The following SLC35F4 variants were observed in gnomAD, a reference collection of about 807,000 sequenced individuals.
SLC35F4 encodes solute carrier family 35 member F4.
SLC35F4 carries 24 observed loss-of-function variants against 44.2 expected under a neutral mutation model. The ratio of observed to expected loss-of-function variants is 0.54; its 90% CI spans 0.39 to 0.76. The LOEUF is 0.76. Ranked by LOEUF, SLC35F4 falls within the 30% of genes least tolerant of loss-of-function variation. The pLI is 0.00. For missense variants in SLC35F4, 562 were observed against 586.1 expected (o/e 0.96, Z 0.42); for synonymous variants, 238 against 223.6 (o/e 1.06, Z -0.57).
At chr14:57,584,794 G>A (rs1177090015) in intron 3 of SLC35F4, among the ~76,000 whole-genome samples, 2 of 151,912 alleles carry the variant, frequency 1.3e-5, no homozygotes, top group Non-Finnish European at 2.9e-5. Flanking sequence ...AACTTGCTTT[G>A]AGGTATTCTT....
chr14:57,903,083 T>G (rs910613034), intron 1 of SLC35F4, among the ~76,000 whole-genome samples: 12 of 152,228 alleles, frequency 7.9e-5, no homozygotes, highest in Non-Finnish European at 2.9e-5. Context: ...GGGCAGAGAC[T>G]TTGATTAGTT....
intron 1 of SLC35F4, among the ~76,000 whole-genome samples, chr14:57,733,489 C>CT (rs909501272): frequency 1.4e-3 from 203 of 146,226 alleles, no homozygotes; most frequent in Middle Eastern, 0.011. Flanking sequence ...CCAGAAAAAG[C>CT]TTTTTTTTTC....
chr14:57,838,389 C>T lies in SLC35F4; in HGVS notation c.103+27334G>A, dbSNP rs17805125. Among the ~76,000 whole-genome samples, 247 of 152,252 alleles carry T rather than the reference C, an allele frequency of 1.6e-3. 1 individual carries two copies. Among genetic ancestry groups the T allele is most frequent in the Non-Finnish European group, 3.0e-3 (202 of 68,006 alleles). The stretch of plus-strand genomic sequence containing the variant: ...GCTCAAACTATCTTCTAGTCAGGGG[C>T]CAGCAATACGTATGTCTGAGTTTCA... On this transcript the variant is annotated intron_variant, in intron 1 of 7. Transcript: ENST00000556826.
chr14:57,934,896 CT>C (rs1023589569), intron 1 of SLC35F4, among the ~76,000 whole-genome samples: 3 of 152,150 alleles, frequency 2.0e-5, no homozygotes, highest in African/African-American at 7.2e-5. Flanking sequence ...AGCTTTATTA[CT>C]GGTAAAGTAA....
At chr14:57,839,500 A>G (rs936913783) in intron 1 of SLC35F4, among the ~76,000 whole-genome samples, 2 of 152,150 alleles carry the variant, frequency 1.3e-5, no homozygotes, top group Non-Finnish European at 2.9e-5. Context: ...CAAACACTGA[A>G]TGTTCTCGTT....
intron 1 of SLC35F4, among the ~76,000 whole-genome samples, chr14:57,802,845 G>A (rs1485291040): frequency 1.3e-5 from 2 of 151,880 alleles, no homozygotes; most frequent in Non-Finnish European, 2.9e-5. Context: ...AAACACCCAG[G>A]ACCAGATGGA....
intron 1 of SLC35F4, among the ~76,000 whole-genome samples, chr14:57,795,581 G>A (rs2078035133): frequency 6.6e-6 from 1 of 152,094 alleles, no homozygotes; most frequent in South Asian, 2.1e-4. Flanking sequence ...CATTCAGTTA[G>A]AACTATCAGC....
rs183168478 is a variant in SLC35F4, at chr14:57,626,884, C to T, written c.104-32760G>A. On this transcript the variant is annotated intron_variant, in intron 1 of 7. Transcript: ENST00000556826. ...GGTAATGACTGATAGAGTGGTATTT[C>T]TAAAGAGGTGTGTAGAGTTTTCCCT... Among the ~76,000 whole-genome samples, 70 of 152,028 alleles carry T rather than the reference C, an allele frequency of 4.6e-4. 1 individual carries two copies. Among genetic ancestry groups the T allele is most frequent in the African/African-American group, 1.6e-3 (67 of 41,486 alleles).
chr14:57,794,807 A>G (rs1327438380), intron 1 of SLC35F4, among the ~76,000 whole-genome samples: 1 of 152,086 alleles, frequency 6.6e-6, no homozygotes, highest in Non-Finnish European at 1.5e-5. Context: ...CGACTCGAAA[A>G]TAGGTGCTTC....
intron 1 of SLC35F4, among the ~76,000 whole-genome samples, chr14:57,808,345 C>G (rs1315209407): frequency 6.6e-6 from 1 of 151,712 alleles, no homozygotes; most frequent in African/African-American, 2.4e-5. Flanking sequence ...TGACCTACCA[C>G]AAATATAGAA....
chr14:57,702,719 C>T (rs2075573498), intron 1 of SLC35F4, among the ~76,000 whole-genome samples: 1 of 152,178 alleles, frequency 6.6e-6, no homozygotes, highest in African/African-American at 2.4e-5. Flanking sequence ...CAGCAGCACA[C>T]TTTCTCTTTC....
At position 57,726,315 on chromosome 14, in the gene SLC35F4, G is replaced by A. The variant is rs2076201977; in HGVS notation, c.104-132191C>T. ...GGTCACTCTACCAGAAAAAAAACCA[G>A]ACTTGCTGAGGTGCTTGATGAAGGC... On this transcript the variant is annotated intron_variant, in intron 1 of 7. Coordinates refer to ENST00000556826, the MANE Select transcript of SLC35F4 (RefSeq NM_001306087.2). Among the ~76,000 whole-genome samples the A allele has an allele frequency of 2.0e-5, 3 of 152,124 alleles. No individual in the cohort carries two copies. In the South Asian group the frequency reaches 6.2e-4, roughly 32 times the overall value.
At chr14:57,645,787 G>C (rs2073478191) in intron 1 of SLC35F4, among the ~76,000 whole-genome samples, 1 of 151,404 alleles carries the variant, frequency 6.6e-6, no homozygotes, top group African/African-American at 2.4e-5. Context: ...ATTATTTTGA[G>C]ATACGTCCCA....
At chr14:57,912,855 A>G (rs960001332) in intron 1 of SLC35F4, among the ~76,000 whole-genome samples, 3 of 152,050 alleles carry the variant, frequency 2.0e-5, no homozygotes, top group African/African-American at 4.8e-5. Flanking sequence ...TCCATTTCTG[A>G]TGAATATTAA....
At chr14:57,653,604 A>G (rs938940287) in intron 1 of SLC35F4, among the ~76,000 whole-genome samples, 2 of 152,204 alleles carry the variant, frequency 1.3e-5, no homozygotes, top group East Asian at 3.8e-4. Context: ...AGATTTTAAA[A>G]CAACTGTCAG....
At chr14:57,964,111 T>C (rs945268078) in intron 1 of SLC35F4, among the ~76,000 whole-genome samples, 5 of 152,152 alleles carry the variant, frequency 3.3e-5, no homozygotes. Context: ...GACTCTGTTC[T>C]CTTTACTCAG....
intron 1 of SLC35F4, among the ~76,000 whole-genome samples, chr14:57,859,345 C>T (rs1887477410): frequency 6.6e-6 from 1 of 151,928 alleles, no homozygotes; most frequent in Admixed American, 6.6e-5. Flanking sequence ...TGTCCATGGG[C>T]ATAAAAAAGA....
chr14:57,637,384 A>T (rs1372340978), intron 1 of SLC35F4, among the ~76,000 whole-genome samples: 1 of 152,138 alleles, frequency 6.6e-6, no homozygotes, highest in Admixed American at 6.5e-5. Context: ...CTAAAGTCAG[A>T]AAGTGTCTCC....
At chr14:57,703,104 A>T (rs963881955) in intron 1 of SLC35F4, among the ~76,000 whole-genome samples, 1 of 152,202 alleles carries the variant, frequency 6.6e-6, no homozygotes, top group African/African-American at 2.4e-5. Context: ...CTAGAACTTT[A>T]GAGTCAAGCA....
Sources: gnomAD v4.1 joint callset for allele counts (sites outside exome capture counted in the v4.1 genomes callset) on GRCh38, gnomAD v4.1.1 for gene constraint, MANE v1.5 for transcripts, NCBI Gene and HGNC (gene_info 2026-07-23, HGNC 2026-07-21) for gene names.